Variants in ATG7 observed in about 807,000 individuals in gnomAD.
ATG7 encodes the protein ubiquitin-like modifier-activating enzyme ATG7.
In ATG7, 70 loss-of-function variants were observed where a neutral mutation model predicts 82.4. The observed-to-expected ratio is 0.85, with a 90% CI of 0.70 to 1.04. The LOEUF (loss-of-function observed/expected upper bound fraction) is 1.04. Ranked by LOEUF, ATG7 falls within the 50% of genes least tolerant of loss-of-function variation. The probability of loss-of-function intolerance (pLI) is 0.00; values close to 1 mark genes in which losing one functional copy is unlikely to be tolerated. For missense variants in ATG7, 792 were observed against 864.3 expected (o/e 0.92, Z 1.05); for synonymous variants, 287 against 313.0 (o/e 0.92, Z 0.88).
intron 20 of ATG7, among the ~76,000 whole-genome samples, chr3:11,458,263 T>G (rs188326679): frequency 6.6e-6 from 1 of 152,026 alleles, no homozygotes; most frequent in Non-Finnish European, 1.5e-5. Flanking sequence ...AGACTTGGGT[T>G]TTTTTGTTTT....
intron 14 of ATG7, among the ~76,000 whole-genome samples, chr3:11,350,945 AAAAGCAGTGATCC>A (rs1474389400): frequency 6.6e-6 from 1 of 151,126 alleles, no homozygotes; most frequent in African/African-American, 2.4e-5. Context: ...AAAAAAAAAA[AAAAGCAGTGATCC>A]AATCTATCGT....
chr3:11,497,491 A>G (rs983808437), intron 20 of ATG7, among the ~76,000 whole-genome samples: 35 of 136,420 alleles, frequency 2.6e-4, no homozygotes, highest in African/African-American at 9.1e-4. Context: ...AACCAAGATC[A>G]CACCACTGCA....
intron 11 of ATG7, among the ~76,000 whole-genome samples, chr3:11,336,887 G>A (rs1377380277): frequency 1.3e-5 from 2 of 150,964 alleles, no homozygotes; most frequent in Non-Finnish European, 2.9e-5. Context: ...TGCCCAGGCT[G>A]GTCTTGAACT....
At chr3:11,482,575 A>C (rs181584904) in intron 20 of ATG7, among the ~76,000 whole-genome samples, 1 of 152,190 alleles carries the variant, frequency 6.6e-6, no homozygotes, top group African/African-American at 2.4e-5. Flanking sequence ...GTTGGGCCTT[A>C]CTGAGAGCTA....
chr3:11,571,810 C>T, the ATG7 span, among the ~76,000 whole-genome samples: 26 of 152,186 alleles, frequency 1.7e-4, no homozygotes, highest in South Asian at 4.6e-3. Context: ...GCGGTCCCAG[C>T]GTGAGAAGCC....
intron 19 of ATG7, among the ~76,000 whole-genome samples, chr3:11,396,741 C>CA (rs1401865563): frequency 6.8e-6 from 1 of 147,680 alleles, no homozygotes; most frequent in Admixed American, 6.8e-5. Flanking sequence ...GAGATGGCGC[C>CA]ACCGCACTCC....
chr3:11,444,561 A>G (rs943690110), intron 20 of ATG7, among the ~76,000 whole-genome samples: 4 of 152,202 alleles, frequency 2.6e-5, no homozygotes, highest in Non-Finnish European at 5.9e-5. Context: ...CGTAGAAAAT[A>G]TGCCTCTTCT....
chr3:11,402,042 C>T (rs942025778), intron 19 of ATG7, among the ~76,000 whole-genome samples: 2 of 151,974 alleles, frequency 1.3e-5, no homozygotes, highest in South Asian at 4.2e-4. Context: ...CATGTAAATA[C>T]CCATGCAACT....
intron 12 of ATG7, 77 bp from the exon 13 acceptor site, chr3:11,342,058 C>T: frequency 7.0e-7 from 1 of 1,430,110 alleles, no homozygotes; most frequent in East Asian, 2.5e-5. Context: ...TATTTTCTTG[C>T]ATAGCCACTT....
At chr3:11,541,128 C>T (rs2070797384) in intron 20 of ATG7, among the ~76,000 whole-genome samples, 2 of 152,130 alleles carry the variant, frequency 1.3e-5, no homozygotes, top group African/African-American at 2.4e-5. Flanking sequence ...TCTCGATCTC[C>T]TGACTTCGTG....
intron 19 of ATG7, among the ~76,000 whole-genome samples, chr3:11,415,874 A>G (rs1431596136): frequency 5.3e-5 from 8 of 152,088 alleles, no homozygotes; most frequent in Middle Eastern, 3.2e-3. Context: ...ATTATGTACT[A>G]TATATAATTG....
chr3:11,340,768 CT>C (rs1322513167), intron 12 of ATG7, 33 bp downstream of exon 12: 2 of 1,583,314 alleles, frequency 1.3e-6, no homozygotes, highest in African/African-American at 1.4e-5. Flanking sequence ...TCCAGTCGGG[CT>C]TTTTGTAACC....
chr3:11,523,999 T>C (rs1199397264), intron 20 of ATG7, among the ~76,000 whole-genome samples: 1 of 152,248 alleles, frequency 6.6e-6, no homozygotes, highest in Admixed American at 6.5e-5. Context: ...CTGTGGGAAC[T>C]CTGTGATTTA....
At chr3:11,462,736 C>T (rs1211652794) in intron 20 of ATG7, among the ~76,000 whole-genome samples, 1 of 151,918 alleles carries the variant, frequency 6.6e-6, no homozygotes, top group African/African-American at 2.4e-5. Context: ...CTCTCGCCAC[C>T]CCCCCAGGGG....
the ATG7 span, chr3:11,568,791 C>T: frequency 6.9e-7 from 1 of 1,448,266 alleles, no homozygotes; most frequent in East Asian, 2.5e-5. This position sits in a 1 kb window ranked among gnomAD's most constrained non-coding sequence, Gnocchi z 5.9. Flanking sequence ...CAGGACTGTG[C>T]CCGAGAGAGC....
chr3:11,372,277 A>G (rs997893836), intron 18 of ATG7, among the ~76,000 whole-genome samples: 3 of 151,136 alleles, frequency 2.0e-5, no homozygotes, highest in Non-Finnish European at 4.4e-5. Flanking sequence ...TAGCAAAGAT[A>G]CAAATATTGT....
intron 18 of ATG7, among the ~76,000 whole-genome samples, chr3:11,376,329 G>C (rs2077414745): frequency 6.6e-6 from 1 of 152,200 alleles, no homozygotes; most frequent in Non-Finnish European, 1.5e-5. Context: ...TTTATGGTAT[G>C]TGAATTATAT....
intron 15 of ATG7, among the ~76,000 whole-genome samples, chr3:11,360,342 T>C (rs1317495656): frequency 6.6e-6 from 1 of 152,226 alleles, no homozygotes; most frequent in African/African-American, 2.4e-5. Context: ...CCACTATACC[T>C]GGTCTGTTAT....
chr3:11,538,542 A>T (rs1255098992), intron 20 of ATG7, among the ~76,000 whole-genome samples: 1 of 151,918 alleles, frequency 6.6e-6, no homozygotes, highest in African/African-American at 2.4e-5. Context: ...TTTGAATATG[A>T]CACAGAATAG....
Sources: allele counts gnomAD v4.1 joint callset (sites outside exome capture counted in the v4.1 genomes callset), GRCh38; gene constraint gnomAD v4.1.1; non-coding constraint Gnocchi (gnomAD v3.1); transcripts MANE v1.5; gene names NCBI Gene and HGNC (gene_info 2026-07-23, HGNC 2026-07-21).